The following SBSN variants were observed in gnomAD, a reference collection of about 807,000 sequenced individuals.
The protein encoded by SBSN is HLAR698.
In SBSN, 33 loss-of-function variants were observed where a neutral mutation model predicts 42.8. That is an observed-to-expected ratio of 0.77 (90% confidence interval 0.58 to 1.03). The LOEUF (loss-of-function observed/expected upper bound fraction) is 1.03. Among genes scored for constraint, SBSN ranks in the 50% least tolerant of loss-of-function variants. The pLI, the probability that SBSN is intolerant of heterozygous loss-of-function variation, is 0.00. For missense variants in SBSN, 646 were observed against 757.3 expected (o/e 0.85, Z 1.72); for synonymous variants, 276 against 307.0 (o/e 0.90, Z 1.06).
intron 1 of SBSN, 36 bp downstream of exon 1, chr19:35,526,608 C>CCCCCTCCCCCCCCCCCCCCA: frequency 7.9e-7 from 1 of 1,258,610 alleles, no homozygotes. Context: ...TCCCCCAACC[C>CCCCCTCCCCCCCCCCCCCCA]CCCTGTCCCC....
intron 3 of SBSN, among the ~76,000 whole-genome samples, chr19:35,524,106 G>A (rs1313970899): frequency 6.6e-6 from 1 of 152,246 alleles, no homozygotes; most frequent in Non-Finnish European, 1.5e-5. Flanking sequence ...CTTGAACCCA[G>A]AAGACGGAGG....
At position 35,528,072 on chromosome 19, in the gene SBSN, G is replaced by T; in HGVS notation, c.210C>A (p.Asn70Lys). 1 of 1,613,884 alleles carries T rather than the reference G, an allele frequency of 6.2e-7. No homozygotes were observed. The highest frequency in any genetic ancestry group is 8.5e-7 in the Non-Finnish European group (1 of 1,180,018). The change falls in exon 1 of 4, where the codon AAC (asparagine) becomes AAA (lysine). Residue 70 changes from asparagine (N) to lysine (K), a missense_variant. This residue lies in a region of SBSN where 190 missense variants were observed against 197.1 expected (regional missense o/e 0.96). Transcript: ENST00000452271. ...HAGREVEKVF[N>K]GLSNMGSHTG... ...TGTGGCTCCCCATGTTGCTAAGTCC[G>T]TTGAAAACCTTCTCCACTTCCCTTC...
Position 35,526,771 on chromosome 19 carries a change from T to A in SBSN, c.1511A>T (p.Gln504Leu), listed in dbSNP as rs771886813. The A allele has an allele frequency of 4.4e-5, 71 of 1,613,952 alleles. 1 individual carries two copies. Among genetic ancestry groups the A allele is most frequent in the Admixed American group, 1.2e-4 (7 of 59,998 alleles). The change falls in exon 1 of 4, where the codon CAG becomes CTG. Residue 504 changes from glutamine (Q) to leucine (L), a missense_variant. By Grantham distance (113) the Gln-to-Leu change is moderately radical (BLOSUM62 -2). Around this residue, in one of 3 missense-constraint regions of SBSN, gnomAD observed 236 missense variants for 225.6 expected, o/e 1.05. Transcript: ENST00000452271. ...LGQGVNHAAD[Q>L]AGKEVEKLGQ... is the part of the protein sequence containing the mutation. ...AAGCTTCTCCACTTCCTTTCCAGCCTGGTCAGCAGCATGGTTGACCCCTTG... is the reference window on the plus strand; with the variant it reads ...AAGCTTCTCCACTTCCTTTCCAGCCAGGTCAGCAGCATGGTTGACCCCTTG...
At chr19:35,523,602 C>G in intron 3 of SBSN, 69 bp from the exon 4 acceptor site, 1 of 1,524,004 alleles carries the variant, frequency 6.6e-7, no homozygotes, top group East Asian at 2.3e-5. Flanking sequence ...AGACCTCAGC[C>G]CCGCCCCTCG....
chr19:35,527,436 G>A lies in SBSN; in HGVS notation c.846C>T (p.Val282=). 1 of 1,584,358 alleles carries A rather than the reference G, an allele frequency of 6.3e-7. No individual in the cohort carries two copies. The highest frequency in any genetic ancestry group is 8.5e-7 in the Non-Finnish European group (1 of 1,174,504). ...TCCCAACCTGACCAGCAGTATGGTG[G>A]ACCCCCTGGCCAAACTTCTCTGTCT... is the stretch of plus-strand genomic sequence containing the variant. The part of the protein sequence containing the change: ...WKETEKFGQG[V]HHTAGQVGKE... Residue 282 remains valine (V), a synonymous_variant, in exon 1 of 4, where the codon GTC becomes GTT. Coordinates refer to ENST00000452271, the MANE Select transcript of SBSN (RefSeq NM_001166034.2).
At chr19:35,525,734 G>A (rs1419131783) in intron 1 of SBSN, among the ~76,000 whole-genome samples, 2 of 152,062 alleles carry the variant, frequency 1.3e-5, no homozygotes, top group East Asian at 1.9e-4. Flanking sequence ...CCAGGCTGGA[G>A]TGCAATGGTG....
At chr19:35,526,598 T>G (rs1229681043) in intron 1 of SBSN, 46 bp downstream of exon 1, 65 of 284,090 alleles carry the variant, frequency 2.3e-4, no homozygotes, top group Middle Eastern at 1.2e-3. Context: ...AACCTTTCCC[T>G]CCCCCAACCC....
chr19:35,526,934 C>G lies in SBSN; in HGVS notation c.1348G>C (p.Glu450Gln). Residue 450 changes from glutamate to glutamine, a missense_variant, in exon 1 of 4, where the codon GAG (glutamate) becomes CAG (glutamine). Physicochemically the swap from Glu to Gln is conservative, Grantham distance 29. Coordinates refer to ENST00000452271, the MANE Select transcript of SBSN (RefSeq NM_001166034.2). Reference protein sequence around the residue: ...AVHGVQPGVHEAGKEAGQFGQ... With the variant: ...AVHGVQPGVHQAGKEAGQFGQ... ...AACTGCCCTGCCTCCTTCCCGGCCT[C>G]GTGGACCCCAGGTTGGACACCATGA... 5.7e-6 allele frequency: 9 copies of G among 1,588,342 alleles called. No individual in the cohort carries two copies. The highest frequency in any genetic ancestry group is 7.7e-6 in the Non-Finnish European group (9 of 1,167,902).
At chr19:35,526,206 A>G (rs1477036354) in intron 1 of SBSN, among the ~76,000 whole-genome samples, 1 of 152,134 alleles carries the variant, frequency 6.6e-6, no homozygotes, top group Non-Finnish European at 1.5e-5. Context: ...TACAAAGATT[A>G]CACAGGCCAA....
At position 35,523,527 on chromosome 19, in the gene SBSN, C is replaced by T. The variant is rs370367137; in HGVS notation, c.1756G>A (p.Ala586Thr). The T allele has an allele frequency of 2.1e-5, 34 of 1,613,892 alleles. No homozygotes were observed. The highest frequency in any genetic ancestry group is 3.3e-5 in the Admixed American group (2 of 59,998). ...ATGCCAGTTTAGGGCATGATGTTGG[C>T]GACGCTCTGGAAGAGAGAAGGAGAG... Reference protein sequence around the residue: ...INLPALWRSVANIMP With the variant: ...INLPALWRSVTNIMP The change falls in exon 4 of 4, where the codon GCC (alanine) becomes ACC (threonine). Residue 586 changes from alanine to threonine, a missense_variant. Coordinates refer to ENST00000452271, the MANE Select transcript of SBSN (RefSeq NM_001166034.2).
At chr19:35,524,307 C>G (rs1321514257) in intron 3 of SBSN, among the ~76,000 whole-genome samples, 3 of 152,176 alleles carry the variant, frequency 2.0e-5, no homozygotes, top group African/African-American at 7.2e-5. Context: ...CAGGCTCCCC[C>G]TCCCAGCATG....
Position 35,526,984 on chromosome 19 carries a change from G to A in SBSN, c.1298C>T (p.Ala433Val). ...GHDIHHTAGQ[A>V]GKEGDIAVHG... is the part of the protein sequence containing the mutation. ...AACTGCTATGTCTCCCTCTTTCCCAGCCTGCCCTGCTGTGTGGTGAATGTC... is the reference window on the plus strand; with the variant it reads ...AACTGCTATGTCTCCCTCTTTCCCAACCTGCCCTGCTGTGTGGTGAATGTC... Residue 433 changes from alanine to valine, a missense_variant, in exon 1 of 4, where the codon GCT becomes GTT. Physicochemically the swap from Ala to Val is moderately conservative, Grantham distance 64. Transcript: ENST00000452271. The A allele has an allele frequency of 6.4e-7, 1 of 1,552,440 alleles. No homozygotes were observed. The highest frequency in any genetic ancestry group is 8.7e-7 in the Non-Finnish European group (1 of 1,149,006).
At position 35,527,277 on chromosome 19, in the gene SBSN, C is replaced by G; in HGVS notation, c.1005G>C (p.Gly335=). 6.5e-7 allele frequency: 1 copy of G among 1,533,464 alleles called. No homozygotes were observed. Among genetic ancestry groups the G allele is most frequent in the South Asian group, 1.2e-5 (1 of 83,814 alleles). 95.0% of individuals were successfully genotyped at this position (1,533,464 alleles called of 1,614,324 possible). A position where few individuals can be genotyped will look rare whatever the true frequency, so the allele number is the denominator to read the frequency against. ...AGNEAGRFGQ[G]VHHGLSEGWK... The stretch of plus-strand genomic sequence containing the variant: ...AGCCCTCACTGAGACCATGGTGGAC[C>G]CCCTGGCCAAACCTCCCAGCCTCAT... The change falls in exon 1 of 4, where the codon GGG becomes GGC. Residue 335 remains glycine (G), a synonymous_variant. Coordinates refer to ENST00000452271, the MANE Select transcript of SBSN (RefSeq NM_001166034.2).
At position 35,527,966 on chromosome 19, in the gene SBSN, C is replaced by T. The variant is rs1398341807; in HGVS notation, c.316G>A (p.Gly106Arg). The stretch of plus-strand genomic sequence containing the variant: ...TTCTCTGCTTCCTTTCCTGCTTGTC[C>T]AATACCATGGTTGATCTCATGGGCA... ...KVAHEINHGIGQAGKEAEKLG... is the reference protein window; with the variant it reads ...KVAHEINHGIRQAGKEAEKLG... Residue 106 changes from glycine to arginine, a missense_variant, in exon 1 of 4, where the codon GGA (glycine) becomes AGA (arginine). Coordinates refer to ENST00000452271, the MANE Select transcript of SBSN (RefSeq NM_001166034.2). 2 of 1,613,926 alleles carry T rather than the reference C, an allele frequency of 1.2e-6. No homozygotes were observed. Among genetic ancestry groups the T allele is most frequent in the Non-Finnish European group, 1.7e-6 (2 of 1,180,030 alleles).
chr19:35,525,711 C>G (rs759186406), intron 1 of SBSN, among the ~76,000 whole-genome samples: 14 of 152,098 alleles, frequency 9.2e-5, no homozygotes, highest in Non-Finnish European at 1.6e-4. Flanking sequence ...GAGACAGAGT[C>G]TCACTCTGTT....
chr19:35,526,562 C>G lies in SBSN; in HGVS notation c.1638+82G>C, dbSNP rs377364517. The G allele has an allele frequency of 7.1e-5, 87 of 1,224,796 alleles. No homozygotes were observed. In the African/African-American group the frequency reaches 7.7e-4, roughly 11 times the overall value. 75.9% of individuals were successfully genotyped at this position (1,224,796 alleles called of 1,614,324 possible). A position where few individuals can be genotyped will look rare whatever the true frequency, so the allele number is the denominator to read the frequency against. On this transcript the variant is annotated intron_variant, in intron 1 of 3. Coordinates refer to ENST00000452271, the MANE Select transcript of SBSN (RefSeq NM_001166034.2). The stretch of plus-strand genomic sequence containing the variant: ...CAAACAAAGGCTACGCGGACCCCCC[C>G]GCCCCGCCAAATGTCCCAGGGGTTT...
chr19:35,524,536 G>A (rs2071345883), intron 3 of SBSN, among the ~76,000 whole-genome samples, 175 bp downstream of exon 3: 1 of 152,094 alleles, frequency 6.6e-6, no homozygotes, highest in Admixed American at 6.6e-5. Context: ...GGGTGCAAAG[G>A]GGAGGGAGCA....
intron 2 of SBSN, 30 bp from the exon 3 acceptor site, chr19:35,524,785 C>T (rs1370668063): frequency 6.2e-7 from 1 of 1,613,882 alleles, no homozygotes; most frequent in African/African-American, 1.3e-5. Context: ...AGGTCAGTCT[C>T]CAGCGTCTGA....
rs1421219523 is a variant in SBSN at position 35,527,146 on chromosome 19, G to A, written c.1136C>T (p.Ala379Val). The A allele has an allele frequency of 6.5e-7, 1 of 1,530,468 alleles. No individual in the cohort carries two copies. Among genetic ancestry groups the A allele is most frequent in the Non-Finnish European group, 8.7e-7 (1 of 1,144,786 alleles). 94.8% of individuals were successfully genotyped at this position (1,530,468 alleles called of 1,614,324 possible). ...GCCAAACTTCTCTGCTTCCTTCCAGGCCTCATTAACCCCATGGTGGACCCC... is the reference window on the plus strand; with the variant it reads ...GCCAAACTTCTCTGCTTCCTTCCAGACCTCATTAACCCCATGGTGGACCCC... ...GHGVHHGVNEAWKEAEKFGQG... is the reference protein window; with the variant it reads ...GHGVHHGVNEVWKEAEKFGQG... Residue 379 changes from alanine to valine, a missense_variant, in exon 1 of 4, where the codon GCC (alanine) becomes GTC (valine). Coordinates refer to ENST00000452271, the MANE Select transcript of SBSN (RefSeq NM_001166034.2).
Sources: allele counts gnomAD v4.1 joint callset (sites outside exome capture counted in the v4.1 genomes callset), GRCh38; gene constraint gnomAD v4.1.1; regional missense constraint gnomAD v4.1.1; transcripts MANE v1.5; gene names NCBI Gene and HGNC (gene_info 2026-07-23, HGNC 2026-07-21).